Variants in PI16 observed in about 807,000 individuals in gnomAD.
The protein encoded by PI16 is peptidase inhibitor 16, also known as PSP94-binding protein.
In PI16, 35 loss-of-function variants were observed where a neutral mutation model predicts 38.0. That is an observed-to-expected ratio of 0.92 (90% CI 0.70 to 1.22). PI16 has a LOEUF of 1.22. Ranked by LOEUF, PI16 falls within the 50% of genes most tolerant of loss-of-function variation. The pLI is 0.00. For missense variants in PI16, 572 were observed against 593.8 expected (o/e 0.96, Z 0.38); for synonymous variants, 275 against 252.9 (o/e 1.09, Z -0.83).
At chr6:36,961,318 C>T (rs1763359329) in intron 2 of PI16, 133 bp from the exon 3 acceptor site, 1 of 749,544 alleles carries the variant, frequency 1.3e-6, no homozygotes, top group Admixed American at 1.9e-5. Flanking sequence ...ACCTGCATGG[C>T]CTTGGGGACG....
At chr6:36,950,613 G>C (rs1442299058), upstream of PI16, among the ~76,000 whole-genome samples, 5 of 151,220 alleles carry the variant, frequency 3.3e-5, no homozygotes, top group African/African-American at 9.7e-5. The surrounding 1 kb of genome is among the most constrained non-coding windows in gnomAD (Gnocchi z 4.2). Context: ...GCACGATCTC[G>C]GCTCACCGCA....
At chr6:36,957,803 C>T (rs831507) in intron 1 of PI16, among the ~76,000 whole-genome samples, 35,783 of 152,158 alleles carry the variant, frequency 0.24, 4,315 homozygotes, top group East Asian at 0.39. Context: ...CTGTTGAGCA[C>T]CTACTATGTG....
At position 36,961,830 on chromosome 6, in the gene PI16, G is replaced by T. The variant is rs562127638; in HGVS notation, c.504-56G>T. 275 of 1,398,402 alleles carry T rather than the reference G, an allele frequency of 2.0e-4. 4 individuals are homozygous for T. In the African/African-American group the frequency reaches 3.6e-3, roughly 18 times the overall value. The allele number at this position is 1,398,402 out of a possible 1,614,324, so 86.6% of individuals were successfully genotyped here. Reference sequence around the variant, plus strand: ...AGTAGGTGTGTGTATAGGAGTTGGGGAGAGGGTTGGGAGGGGTCGACCCCC... The same window carrying T: ...AGTAGGTGTGTGTATAGGAGTTGGGTAGAGGGTTGGGAGGGGTCGACCCCC... On this transcript the variant is annotated intron_variant, in intron 3 of 6. Transcript: ENST00000373674.
chr6:36,954,062 C>T (rs1763145713), upstream of PI16, among the ~76,000 whole-genome samples: 1 of 152,184 alleles, frequency 6.6e-6, no homozygotes. Flanking sequence ...AGAATGTTGC[C>T]TCCACAGGGG....
upstream of PI16, among the ~76,000 whole-genome samples, chr6:36,951,153 C>A (rs145915293): frequency 1.1e-3 from 170 of 152,324 alleles, 1 homozygote; most frequent in African/African-American, 4.0e-3. Flanking sequence ...ACTTGTATAT[C>A]TTCTCTGGAG....
rs1763445311 is a variant in PI16, at chr6:36,963,958, C to T, written c.*14C>T. 1 of 1,606,500 alleles carries T rather than the reference C, an allele frequency of 6.2e-7. No individual in the cohort carries two copies. The highest frequency in any genetic ancestry group is 1.3e-5 in the African/African-American group (1 of 74,602). ...GGAATCTTCTGAAGGGGATACCACT[C>T]AAAGGCAAGGCCTGGTGAGGGGGGC... On this transcript the variant is annotated 3_prime_UTR_variant, in exon 6 of 7. Transcript: ENST00000373674.
rs1763392901 is a variant in PI16 at position 36,962,384 on chromosome 6, C to T, written c.592+410C>T. ...GCTGGAGAAGTCCCCTGAAAAAGGG[C>T]AAGTACGAATGTAGAGAGACTTGGA... On this transcript the variant is annotated intron_variant, in intron 4 of 6. Coordinates refer to ENST00000373674, the MANE Select transcript of PI16 (RefSeq NM_153370.3). The surrounding 1 kb of genome is among the most constrained non-coding windows in gnomAD (Gnocchi z 4.1). Among the ~76,000 whole-genome samples the T allele has an allele frequency of 2.6e-5, 4 of 152,188 alleles. No homozygotes were observed. In the South Asian group the frequency reaches 8.3e-4, roughly 31 times the overall value.
chr6:36,962,263 C>T lies in PI16; in HGVS notation c.592+289C>T, dbSNP rs531141014. Among the ~76,000 whole-genome samples the T allele has an allele frequency of 8.5e-5, 13 of 152,212 alleles. No homozygotes were observed. Among genetic ancestry groups the T allele is most frequent in the African/African-American group, 2.6e-4 (11 of 41,528 alleles). ...TGGGTGTCGCCACACTTTAGGGTCT[C>T]GAGGAGCGGGCTGGGGCCAGACCGG... On this transcript the variant is annotated intron_variant, in intron 4 of 6. Coordinates refer to ENST00000373674, the MANE Select transcript of PI16 (RefSeq NM_153370.3). This position sits in a 1 kb window ranked among gnomAD's most constrained non-coding sequence, Gnocchi z 4.1.
rs1763281806 is a variant in PI16, at chr6:36,959,180, CT to C, written c.208del (p.Tyr70ThrfsTer102). 1 of 1,610,922 alleles carries C rather than the reference CT, an allele frequency of 6.2e-7. No individual in the cohort carries two copies. The highest frequency in any genetic ancestry group is 8.5e-7 in the Non-Finnish European group (1 of 1,179,252). ...AGGAGCTGGCCGCCTTCGCCAAGGC[CT>C]ACGCACGGCAGTGCGTGTGGGGCCA... Reference protein sequence around the residue: ...DEELAAFAKAYARQCVWGHNK... With the variant: ...DEELAAFAKAXARQCVWGHNK... On this transcript the variant is annotated frameshift_variant, in exon 2 of 7. Coordinates refer to ENST00000373674, the MANE Select transcript of PI16 (RefSeq NM_153370.3). LOFTEE classifies it high-confidence loss of function.
In PI16 at chr6:36,962,128, C is replaced by T. The variant is rs545997159; in HGVS notation, c.592+154C>T. Among the ~76,000 whole-genome samples, 1 of 152,276 alleles carries T rather than the reference C, an allele frequency of 6.6e-6. No individual in the cohort carries two copies. Among genetic ancestry groups the T allele is most frequent in the Non-Finnish European group, 1.5e-5 (1 of 68,016 alleles). ...CGGGGGCCCCTGGCGGCTCCCTTAG[C>T]CCCCCACGCGCAGCCACTTTGGCGC... On this transcript the variant is annotated intron_variant, in intron 4 of 6. Coordinates refer to ENST00000373674, the MANE Select transcript of PI16 (RefSeq NM_153370.3). The surrounding 1 kb of genome is among the most constrained non-coding windows in gnomAD (Gnocchi z 4.1).
chr6:36,955,071 G>A (rs1439613807), intron 1 of PI16, 140 bp downstream of exon 1: 9 of 1,400,354 alleles, frequency 6.4e-6, no homozygotes, highest in African/African-American at 5.8e-5. Context: ...CAGAGTCCCC[G>A]AGTCCCTGAC....
rs1583230193 is a variant in PI16, at chr6:36,955,276, C to A, written c.171+345C>A. Among the ~76,000 whole-genome samples the A allele has an allele frequency of 2.0e-5, 3 of 152,348 alleles. No individual in the cohort carries two copies. In the South Asian group the frequency reaches 6.2e-4, roughly 32 times the overall value. The stretch of plus-strand genomic sequence containing the variant: ...CCACTCCAATGAGCTTTCCCCAGCA[C>A]TTCCTCAAATGCATGTGCCCTCAGT... On this transcript the variant is annotated intron_variant, in intron 1 of 6. Transcript: ENST00000373674.
intron 3 of PI16, 97 bp from the exon 4 acceptor site, chr6:36,961,789 C>A: frequency 8.8e-7 from 1 of 1,136,626 alleles, no homozygotes; most frequent in Non-Finnish European, 1.3e-6. Flanking sequence ...GTCAGGAGAC[C>A]CAAGGGCATT....
chr6:36,956,050 T>G (rs1374607846), intron 1 of PI16, among the ~76,000 whole-genome samples: 1 of 152,150 alleles, frequency 6.6e-6, no homozygotes, highest in Admixed American at 6.5e-5. Flanking sequence ...AGTTCTAACC[T>G]CAGCCTAATG....
intron 1 of PI16, among the ~76,000 whole-genome samples, chr6:36,956,214 C>T (rs982531989): frequency 3.4e-4 from 52 of 152,184 alleles, no homozygotes; most frequent in African/African-American, 1.2e-3. Flanking sequence ...CCCAGCACTG[C>T]CGTTCACAGC....
At chr6:36,956,002 T>C (rs1220799914) in intron 1 of PI16, among the ~76,000 whole-genome samples, 1 of 152,190 alleles carries the variant, frequency 6.6e-6, no homozygotes, top group African/African-American at 2.4e-5. Flanking sequence ...CAGATGCACC[T>C]TGGGGAACAT....
In PI16 at chr6:36,962,095, GCGACCACCGGGGGCC is replaced by G; in HGVS notation, c.592+123_592+137del. The G allele has an allele frequency of 1.4e-6, 1 of 739,354 alleles. No homozygotes were observed. Among genetic ancestry groups the G allele is most frequent in the Non-Finnish European group, 2.3e-6 (1 of 442,548 alleles). The allele number at this position is 739,354 out of a possible 1,614,324, so 45.8% of individuals were successfully genotyped here. On this transcript the variant is annotated intron_variant, in intron 4 of 6. Transcript: ENST00000373674. This position sits in a 1 kb window ranked among gnomAD's most constrained non-coding sequence, Gnocchi z 4.1. The stretch of plus-strand genomic sequence containing the variant: ...GGGCAGGGAAGGAGCCTGGTGGGAT[GCGACCACCGGGGGCC>G]CCTGGCGGCTCCCTTAGCCCCCCAC...
Position 36,961,524 on chromosome 6 carries a change from C to CTT in PI16, c.467_468insTT (p.Asn157SerfsTer16). The stretch of plus-strand genomic sequence containing the variant: ...GAGAAGCTCCAGGGTGTTGAGGAGA[C>CTT]CAACATCGAATTACTGGTGTGCAAC... On this transcript the variant is annotated frameshift_variant, in exon 3 of 7. Transcript: ENST00000373674. LOFTEE classifies it high-confidence loss of function. 6.2e-7 allele frequency: 1 copy of CTT among 1,614,148 alleles called. No homozygotes were observed. The highest frequency in any genetic ancestry group is 8.5e-7 in the Non-Finnish European group (1 of 1,180,024).
At chr6:36,950,918 A>C (rs1363842731), upstream of PI16, among the ~76,000 whole-genome samples, 3 of 152,090 alleles carry the variant, frequency 2.0e-5, no homozygotes, top group Non-Finnish European at 2.9e-5. This position sits in a 1 kb window ranked among gnomAD's most constrained non-coding sequence, Gnocchi z 4.2. Context: ...TCTGTGTTTA[A>C]TTTTTTGAGG....
Sources: allele counts gnomAD v4.1 joint callset (sites outside exome capture counted in the v4.1 genomes callset), GRCh38; gene constraint gnomAD v4.1.1; non-coding constraint Gnocchi (gnomAD v3.1); transcripts MANE v1.5; gene names NCBI Gene and HGNC (gene_info 2026-07-23, HGNC 2026-07-21).